The following PLEKHG5 variants were observed in gnomAD, a reference collection of about 807,000 sequenced individuals.
The protein encoded by PLEKHG5 is pleckstrin homology and RhoGEF domain containing G5.
Under a neutral mutation model 103.8 loss-of-function variants are expected in PLEKHG5, and 52 were observed. The ratio of observed to expected loss-of-function variants is 0.50; its 90% CI spans 0.40 to 0.63. The LOEUF (loss-of-function observed/expected upper bound fraction) is 0.63, where lower values mean the gene tolerates loss of function less well. Ranked by LOEUF, PLEKHG5 falls within the 30% of genes least tolerant of loss-of-function variation. The pLI is 0.00. For synonymous variants in PLEKHG5, 592 were observed against 575.5 expected, an observed-to-expected ratio of 1.03 and a Z score of -0.41; for missense variants, 1,205 against 1,347.6, an observed-to-expected ratio of 0.89 and a Z score of 1.66.
chr1:6,507,442 G>A (rs1428489868), intron 1 of PLEKHG5, among the ~76,000 whole-genome samples: 2 of 152,254 alleles, frequency 1.3e-5, no homozygotes, highest in African/African-American at 4.8e-5. Flanking sequence ...CTTGCACTGG[G>A]CTCCCCAGCC....
rs373933352 is a variant in PLEKHG5, at chr1:6,469,459, G to A, written c.1934-9C>T. 1.9e-6 allele frequency: 3 copies of A among 1,613,634 alleles called. No homozygotes were observed. In the African/African-American group the frequency reaches 4.0e-5, roughly 22 times the overall value. Reference sequence around the variant, plus strand: ...GATAAGGAGGAAGGACCCTGGTTAGGGAAGGCCCAAGTCAGTGTCAGCAGA... The same window carrying A: ...GATAAGGAGGAAGGACCCTGGTTAGAGAAGGCCCAAGTCAGTGTCAGCAGA... On this transcript the variant is annotated splice_polypyrimidine_tract_variant and intron_variant, in intron 17 of 20. Transcript: ENST00000377728.
At chr1:6,473,654 C>T (rs1212010613) in intron 7 of PLEKHG5, among the ~76,000 whole-genome samples, 200 bp from the exon 8 acceptor site, 1 of 152,248 alleles carries the variant, frequency 6.6e-6, no homozygotes, top group South Asian at 2.1e-4. Context: ...GACTATCATC[C>T]CCCAGTCCCC....
chr1:6,479,857 C>T (rs920623237), intron 1 of PLEKHG5, among the ~76,000 whole-genome samples: 2 of 152,092 alleles, frequency 1.3e-5, no homozygotes, highest in South Asian at 2.1e-4. Flanking sequence ...GCAATCTGCC[C>T]GCCTTGACCT....
In PLEKHG5 at chr1:6,469,143, C is replaced by CTCT. The variant is rs1276452392; in HGVS notation, c.2147_2148insAGA (p.Glu723dup). The stretch of plus-strand genomic sequence containing the variant: ...CGCCTTCCTCCTCCTCCTCCTCCTC[C>CTCT]TCCTCTTCCTCCTCCTGCTCATCCT... On this transcript the variant is annotated inframe_insertion, in exon 19 of 21. Transcript: ENST00000377728. 41 of 1,603,336 alleles carry CTCT rather than the reference C, an allele frequency of 2.6e-5. No homozygotes were observed. Among genetic ancestry groups the CTCT allele is most frequent in the Non-Finnish European group, 3.2e-5 (38 of 1,172,598 alleles).
intron 1 of PLEKHG5, among the ~76,000 whole-genome samples, chr1:6,512,898 G>A (rs537788824): frequency 1.7e-5 from 1 of 60,086 alleles, no homozygotes; most frequent in African/African-American, 6.1e-5. Flanking sequence ...GGGTGGCCAT[G>A]GGGGGGTGAA....
chr1:6,470,150 G>A (rs1644522558), intron 16 of PLEKHG5, 86 bp downstream of exon 16: 1 of 1,440,672 alleles, frequency 6.9e-7, no homozygotes, highest in Admixed American at 1.8e-5. Context: ...ACCACCGAAG[G>A]GACTGCAGAG....
At chr1:6,480,489 C>G (rs1644871407) in intron 1 of PLEKHG5, among the ~76,000 whole-genome samples, 1 of 151,126 alleles carries the variant, frequency 6.6e-6, no homozygotes, top group African/African-American at 2.4e-5. Flanking sequence ...GATCACACCA[C>G]TGCACTCCAG....
upstream of PLEKHG5, among the ~76,000 whole-genome samples, chr1:6,494,118 A>AT (rs36105555): frequency 0.019 from 1,473 of 75,740 alleles, 139 homozygotes; most frequent in East Asian, 0.1. Context: ...CACCTGGCTA[A>AT]TTTTTTTTTT....
Position 6,469,638 on chromosome 1 carries a change from C to T in PLEKHG5, c.1839G>A (p.Leu613=), listed in dbSNP as rs781434489. The change falls in exon 17 of 21, where the codon TTG becomes TTA. Residue 613 remains leucine, a synonymous_variant. Transcript: ENST00000377728. ...CTGCCTTCTTCACTGCTTTGGTCAC[C>T]AACAGCAGATCCGTGAAGAGGAAGC... ...VYCFLFTDLL[L]VTKAVKKAER... 1.2e-6 allele frequency: 2 copies of T among 1,613,692 alleles called. No individual in the cohort carries two copies. Among genetic ancestry groups the T allele is most frequent in the South Asian group, 2.2e-5 (2 of 91,068 alleles).
chr1:6,480,999 G>A (rs745939910), intron 1 of PLEKHG5, among the ~76,000 whole-genome samples: 3 of 152,042 alleles, frequency 2.0e-5, no homozygotes, highest in Non-Finnish European at 4.4e-5. Flanking sequence ...TGGTCAGCCC[G>A]AAAATCCCGC....
chr1:6,514,735 T>C (rs1638568600), intron 1 of PLEKHG5, among the ~76,000 whole-genome samples: 1 of 149,432 alleles, frequency 6.7e-6, no homozygotes. Flanking sequence ...CACTCCAGCC[T>C]GGGTGACAGA....
chr1:6,512,998 T>G (rs977697829), intron 1 of PLEKHG5, among the ~76,000 whole-genome samples: 2 of 152,234 alleles, frequency 1.3e-5, no homozygotes, highest in East Asian at 1.9e-4. Context: ...CAAATGTCAC[T>G]GTCTTGATTA....
chr1:6,471,318 A>C, intron 12 of PLEKHG5, 170 bp downstream of exon 12: 2 of 866,384 alleles, frequency 2.3e-6, no homozygotes, highest in Non-Finnish European at 3.5e-6. Context: ...GTGGAGGCTC[A>C]AACCCGGGCG....
At chr1:6,501,204 C>T (rs546461776), upstream of PLEKHG5, among the ~76,000 whole-genome samples, 183 of 152,158 alleles carry the variant, frequency 1.2e-3, no homozygotes, top group African/African-American at 4.1e-3. The surrounding 1 kb of genome is among the most constrained non-coding windows in gnomAD (Gnocchi z 4.3). Context: ...CCACAGTCCA[C>T]GCCACTCCGT....
chr1:6,492,624 T>G (rs1020963391), upstream of PLEKHG5, among the ~76,000 whole-genome samples: 1 of 152,154 alleles, frequency 6.6e-6, no homozygotes, highest in Admixed American at 6.5e-5. Flanking sequence ...TACGCTGTGC[T>G]AGGCTCTATG....
At position 6,473,047 on chromosome 1, in the gene PLEKHG5, T is replaced by A; in HGVS notation, c.923A>T (p.Asp308Val). The A allele has an allele frequency of 1.9e-6, 3 of 1,613,934 alleles. No homozygotes were observed. The highest frequency in any genetic ancestry group is 2.2e-5 in the South Asian group (2 of 91,080). The change falls in exon 9 of 21, where the codon GAT becomes GTT. Residue 308 changes from aspartate (D) to valine (V), a missense_variant. Asp to Val is a radical substitution (Grantham distance 152). Transcript: ENST00000377728. Reference protein sequence around the residue: ...SWEEEYDEDEDEDNACLRLED... With the variant: ...SWEEEYDEDEVEDNACLRLED... ...CAGCCTCAGGCAGGCATTGTCCTCA[T>A]CCTCGTCTTCATCGTACTCCTCCTC...
rs1383727131 is a variant in PLEKHG5 at position 6,490,433 on chromosome 1, C to G, written c.-88+1204G>C. ...CCGTCCGGAGCGCAGCTCCCACTTCCCCGCGACTCACCTAGGAACAGGACC... is the reference window on the plus strand; with the variant it reads ...CCGTCCGGAGCGCAGCTCCCACTTCGCCGCGACTCACCTAGGAACAGGACC... On this transcript the variant is annotated intron_variant, in intron 1 of 20. Transcript: ENST00000377728. The surrounding 1 kb of genome is among the most constrained non-coding windows in gnomAD (Gnocchi z 8.0). The G allele has an allele frequency of 3.0e-6, 3 of 985,246 alleles. No homozygotes were observed. The highest frequency in any genetic ancestry group is 1.1e-4 in the East Asian group (1 of 8,800). The allele number at this position is 985,246 out of a possible 1,614,324, so 61.0% of individuals were successfully genotyped here. A position where few individuals can be genotyped will look rare whatever the true frequency, so the allele number is the denominator to read the frequency against.
intron 4 of PLEKHG5, 39 bp from the exon 5 acceptor site, chr1:6,475,177 T>C: frequency 8.6e-7 from 1 of 1,162,722 alleles, no homozygotes; most frequent in Non-Finnish European, 1.3e-6. Context: ...GAGCTTCTCC[T>C]CACCGCCCTC....
In PLEKHG5 at chr1:6,475,049, C is replaced by A; in HGVS notation, c.300G>T (p.Leu100=). 3 of 1,591,116 alleles carry A rather than the reference C, an allele frequency of 1.9e-6. No individual in the cohort carries two copies. Among genetic ancestry groups the A allele is most frequent in the Non-Finnish European group, 1.7e-6 (2 of 1,158,964 alleles). Residue 100 remains leucine, a splice_region_variant and synonymous_variant, in exon 5 of 21, where the codon CTG becomes CTT. Coordinates refer to ENST00000377728, the MANE Select transcript of PLEKHG5 (RefSeq NM_020631.6). The stretch of plus-strand genomic sequence containing the variant: ...CCCTGAGCCCCATCAAGCCCTACCC[C>A]AGTGACTTCTTCTTCATGGCTGGGA... ...EIVPAMKKKS[L]GEVLLPVFER...
Sources: allele counts gnomAD v4.1 joint callset (sites outside exome capture counted in the v4.1 genomes callset), GRCh38; gene constraint gnomAD v4.1.1; non-coding constraint Gnocchi (gnomAD v3.1); transcripts MANE v1.5; gene names NCBI Gene and HGNC (gene_info 2026-07-23, HGNC 2026-07-21).